The following IL1RAPL2 variants were observed in gnomAD, a reference collection of about 807,000 sequenced individuals.
IL1RAPL2 encodes X-linked interleukin-1 receptor accessory protein-like 2.
In IL1RAPL2, 3 loss-of-function variants were observed where a neutral mutation model predicts 44.1. The observed-to-expected ratio is 0.07, with a 90% CI of 0.03 to 0.18. The LOEUF (loss-of-function observed/expected upper bound fraction) is 0.18. IL1RAPL2 is among the 10% of genes least tolerant of loss of function. The probability of loss-of-function intolerance (pLI) is 1.00; values close to 1 mark genes in which losing one functional copy is unlikely to be tolerated. For synonymous variants in IL1RAPL2, 181 were observed against 178.8 expected (o/e 1.01, Z -0.10); for missense variants, 391 against 496.4 (o/e 0.79, Z 2.02).
chrX:104,590,742 C>T (rs1023285115), intron 1 of IL1RAPL2, among the ~76,000 whole-genome samples: 14 of 111,851 alleles, frequency 1.3e-4, no homozygotes, highest in African/African-American at 4.6e-4. Context: ...TATCACAGAT[C>T]ATTTTTGGCC....
intron 5 of IL1RAPL2, among the ~76,000 whole-genome samples, chrX:105,393,815 T>G (rs1044911725): frequency 1.8e-5 from 2 of 111,857 alleles, no homozygotes; most frequent in Non-Finnish European, 3.8e-5. Context: ...ATTACTATGC[T>G]AGGCACTTTG....
At chrX:105,136,508 G>A (rs1024172874) in intron 2 of IL1RAPL2, among the ~76,000 whole-genome samples, 14 of 112,606 alleles carry the variant, frequency 1.2e-4, no homozygotes, top group African/African-American at 4.2e-4. Context: ...TGACTATAGT[G>A]AGTCACACCA....
At chrX:105,037,406 G>A (rs1259037449) in intron 2 of IL1RAPL2, among the ~76,000 whole-genome samples, 1 of 111,058 alleles carries the variant, frequency 9.0e-6, no homozygotes, top group African/African-American at 3.3e-5. Flanking sequence ...AGTTACAGGG[G>A]GACAACAATG....
chrX:105,420,168 T>G (rs1344544975), intron 5 of IL1RAPL2, among the ~76,000 whole-genome samples: 1 of 111,019 alleles, frequency 9.0e-6, no homozygotes, highest in Non-Finnish European at 1.9e-5. Flanking sequence ...TGCTTTCACA[T>G]TATAAAGCAC....
At chrX:104,890,427 G>T (rs140697159) in intron 2 of IL1RAPL2, among the ~76,000 whole-genome samples, 1 of 110,386 alleles carries the variant, frequency 9.1e-6, no homozygotes, top group South Asian at 3.8e-4. Flanking sequence ...GTGTAAAAGT[G>T]TTCCTATTTC....
intron 5 of IL1RAPL2, among the ~76,000 whole-genome samples, chrX:105,375,555 C>A (rs113642787): frequency 0.05 from 5,582 of 111,742 alleles, 324 homozygotes; most frequent in African/African-American, 0.17. Flanking sequence ...AAACCCTGTA[C>A]CTGCTATATT....
At chrX:104,828,498 G>C (rs1921520833) in intron 2 of IL1RAPL2, among the ~76,000 whole-genome samples, 1 of 111,607 alleles carries the variant, frequency 9.0e-6, no homozygotes, top group Non-Finnish European at 1.9e-5. Context: ...CCTTCCTCTG[G>C]AAGCTTTGTC....
chrX:105,316,414 C>T (rs1027306642), intron 5 of IL1RAPL2, among the ~76,000 whole-genome samples: 1 of 111,538 alleles, frequency 9.0e-6, no homozygotes, highest in Admixed American at 9.5e-5. Context: ...CTAGATTTAA[C>T]CAGAAAAATG....
chrX:105,311,678 A>G (rs920782508), intron 5 of IL1RAPL2, among the ~76,000 whole-genome samples: 1 of 109,243 alleles, frequency 9.2e-6, no homozygotes, highest in Non-Finnish European at 1.9e-5. Context: ...ACACATATAT[A>G]TAATTTATAT....
At chrX:105,745,926 T>A (rs1018170597) in intron 8 of IL1RAPL2, among the ~76,000 whole-genome samples, 4 of 111,848 alleles carry the variant, frequency 3.6e-5, no homozygotes, top group African/African-American at 1.3e-4. Flanking sequence ...CAAGCGACCC[T>A]CCTGCCCCGG....
intron 2 of IL1RAPL2, among the ~76,000 whole-genome samples, chrX:104,748,587 C>G (rs866956957): frequency 1.8e-5 from 2 of 111,179 alleles, no homozygotes; most frequent in Non-Finnish European, 3.8e-5. Flanking sequence ...TACACCCTAG[C>G]CAACATGCTG....
In IL1RAPL2 at chrX:104,806,498, C is replaced by T. The variant is rs146280164; in HGVS notation, c.82+147503C>T. Among the ~76,000 whole-genome samples, 726 of 112,170 alleles carry T rather than the reference C, an allele frequency of 6.5e-3. 3 individuals are homozygous for T. The highest frequency in any genetic ancestry group is 0.022 in the African/African-American group (693 of 30,833). ...AGGGACAGCAGGTTGGTTCTCTTTG[C>T]CCCATACAGTAGACTGAAAACCTGT... On this transcript the variant is annotated intron_variant, in intron 2 of 10. Coordinates refer to ENST00000372582, the MANE Select transcript of IL1RAPL2 (RefSeq NM_017416.2).
chrX:104,862,629 C>A (rs899978942), intron 2 of IL1RAPL2, among the ~76,000 whole-genome samples: 2 of 111,696 alleles, frequency 1.8e-5, no homozygotes, highest in African/African-American at 6.5e-5. Context: ...AAATAATTTT[C>A]TGTTGATTAA....
At chrX:104,883,076 G>T (rs890078936) in intron 2 of IL1RAPL2, among the ~76,000 whole-genome samples, 1 of 111,320 alleles carries the variant, frequency 9.0e-6, no homozygotes, top group Admixed American at 9.5e-5. Flanking sequence ...TCACTGTGAG[G>T]GTCCGCGGCT....
intron 2 of IL1RAPL2, among the ~76,000 whole-genome samples, chrX:105,116,153 C>T (rs5962465): frequency 0.021 from 2,312 of 112,530 alleles, 50 homozygotes; most frequent in African/African-American, 0.07. Context: ...GGAAGGGGCT[C>T]CCACAGTGCA....
At chrX:104,571,054 G>A (rs775965246) in intron 1 of IL1RAPL2, among the ~76,000 whole-genome samples, 4 of 109,547 alleles carry the variant, frequency 3.7e-5, no homozygotes, top group Admixed American at 9.8e-5. Context: ...TCACTACCTC[G>A]TGCATCCTGT....
chrX:104,596,881 A>G (rs1467690587), intron 1 of IL1RAPL2, among the ~76,000 whole-genome samples: 1 of 111,550 alleles, frequency 9.0e-6, no homozygotes, highest in African/African-American at 3.3e-5. Flanking sequence ...AGTTCAAAGT[A>G]GCTGAGGCAT....
chrX:104,891,022 A>G (rs1017280764), intron 2 of IL1RAPL2, among the ~76,000 whole-genome samples: 2 of 111,734 alleles, frequency 1.8e-5, no homozygotes, highest in East Asian at 5.6e-4. Flanking sequence ...CATATGGCTA[A>G]CCAGTTTTCC....
At chrX:105,535,793 C>A (rs2036672593) in intron 6 of IL1RAPL2, among the ~76,000 whole-genome samples, 1 of 111,268 alleles carries the variant, frequency 9.0e-6, no homozygotes, top group South Asian at 3.8e-4. Context: ...GAGGGTGTGA[C>A]TACAAAGCAG....
Sources: allele counts gnomAD v4.1 joint callset (sites outside exome capture counted in the v4.1 genomes callset), GRCh38; gene constraint gnomAD v4.1.1; transcripts MANE v1.5; gene names NCBI Gene and HGNC (gene_info 2026-07-23, HGNC 2026-07-21).